KCTD8: variants seen among roughly 807,000 people sequenced by gnomAD.
KCTD8 encodes BTB/POZ domain-containing protein KCTD8.
In KCTD8, 27 loss-of-function variants were observed where a neutral mutation model predicts 31.5. That is an observed-to-expected ratio of 0.86 (90% CI 0.63 to 1.18). KCTD8 has a LOEUF of 1.18. Among genes scored for constraint, KCTD8 ranks in the 50% most tolerant of loss-of-function variants. The probability of loss-of-function intolerance (pLI) is 0.00; values close to 1 mark genes in which losing one functional copy is unlikely to be tolerated. For synonymous variants in KCTD8, 290 were observed against 280.0 expected (o/e 1.04, Z -0.36); for missense variants, 658 against 647.7 (o/e 1.02, Z -0.17).
intron 1 of KCTD8, among the ~76,000 whole-genome samples, chr4:44,422,978 C>A (rs1434721726): frequency 6.6e-6 from 1 of 151,996 alleles, no homozygotes; most frequent in Non-Finnish European, 1.5e-5. Context: ...CTTTACCAAC[C>A]ATAAATTTGT....
intron 1 of KCTD8, among the ~76,000 whole-genome samples, chr4:44,421,906 G>A (rs1178451965): frequency 6.6e-6 from 1 of 152,006 alleles, no homozygotes; most frequent in Non-Finnish European, 1.5e-5. Flanking sequence ...TTTTATCTGT[G>A]TATCTGCTTT....
rs752561338 is a variant in KCTD8 at position 44,372,071 on chromosome 4, T to C, written c.961+75492A>G. Among the ~76,000 whole-genome samples the C allele has an allele frequency of 2.0e-5, 3 of 152,228 alleles. No individual in the cohort carries two copies. In the East Asian group the frequency reaches 5.8e-4, roughly 29 times the overall value. ...GAAGCAATGCATCTGCTTTTTCTAATTGAAATAGCATTATTCCCTACTAGA... is the reference window on the plus strand; with the variant it reads ...GAAGCAATGCATCTGCTTTTTCTAACTGAAATAGCATTATTCCCTACTAGA... On this transcript the variant is annotated intron_variant, in intron 1 of 1. Transcript: ENST00000360029.
intron 1 of KCTD8, among the ~76,000 whole-genome samples, chr4:44,400,599 C>T (rs1046467466): frequency 2.6e-5 from 4 of 151,588 alleles, no homozygotes; most frequent in Non-Finnish European, 1.5e-5. Flanking sequence ...TGTGGTGGTG[C>T]ACACCTGTAG....
chr4:44,258,157 A>G (rs971353408), intron 1 of KCTD8, among the ~76,000 whole-genome samples: 3 of 152,018 alleles, frequency 2.0e-5, no homozygotes, highest in African/African-American at 7.2e-5. Context: ...TAATTGTCAC[A>G]AATGAATTAC....
At chr4:44,243,358 T>A (rs922631048) in intron 1 of KCTD8, among the ~76,000 whole-genome samples, 7 of 152,224 alleles carry the variant, frequency 4.6e-5, no homozygotes, top group African/African-American at 1.7e-4. Flanking sequence ...GTAAATATAT[T>A]TCTACTGCAG....
At chr4:44,347,307 T>C (rs936664712) in intron 1 of KCTD8, among the ~76,000 whole-genome samples, 4 of 152,180 alleles carry the variant, frequency 2.6e-5, no homozygotes, top group African/African-American at 9.7e-5. Context: ...GAACATGGGC[T>C]TTGGGCCACA....
chr4:44,445,824 A>G (rs2109487846), intron 1 of KCTD8, among the ~76,000 whole-genome samples: 1 of 152,314 alleles, frequency 6.6e-6, no homozygotes, highest in Non-Finnish European at 1.5e-5. Flanking sequence ...AAATGACTTA[A>G]ATGGTTTAAA....
chr4:44,285,764 A>C (rs1717046844), intron 1 of KCTD8, among the ~76,000 whole-genome samples: 1 of 152,114 alleles, frequency 6.6e-6, no homozygotes, highest in East Asian at 1.9e-4. Context: ...TCTGATTTTC[A>C]AGTCTTCTTA....
At chr4:44,344,549 T>G (rs1718990827) in intron 1 of KCTD8, among the ~76,000 whole-genome samples, 1 of 152,178 alleles carries the variant, frequency 6.6e-6, no homozygotes, top group African/African-American at 2.4e-5. Flanking sequence ...GTCAGTTGCA[T>G]AGACTATTGG....
chr4:44,338,381 T>C (rs748647156), intron 1 of KCTD8, among the ~76,000 whole-genome samples: 7 of 152,178 alleles, frequency 4.6e-5, no homozygotes, highest in Non-Finnish European at 8.8e-5. Flanking sequence ...GAAAGGTAAG[T>C]GAAGGTTTAA....
At chr4:44,241,340 T>C (rs899640720) in intron 1 of KCTD8, among the ~76,000 whole-genome samples, 1 of 152,208 alleles carries the variant, frequency 6.6e-6, no homozygotes, top group East Asian at 1.9e-4. Flanking sequence ...ATAGCTGACA[T>C]ATAACATCTA....
At chr4:44,203,453 G>A (rs1714208654) in intron 1 of KCTD8, among the ~76,000 whole-genome samples, 1 of 140,810 alleles carries the variant, frequency 7.1e-6, no homozygotes, top group African/African-American at 2.7e-5. Flanking sequence ...TCGTGCCATT[G>A]TACTCCAGCC....
rs371524732 is a variant in KCTD8 at position 44,219,887 on chromosome 4, C to T, written c.962-44637G>A. ...GAGAATGAAGTTAGGATAATCTAAA[C>T]ATTTTATCAAAGACAAATTATCTGT... On this transcript the variant is annotated intron_variant, in intron 1 of 1. Transcript: ENST00000360029. 9.2e-5 allele frequency among the ~76,000 whole-genome samples: 14 copies of T among 152,308 alleles called. No individual in the cohort carries two copies. The East Asian group carries it at 2.7e-3, about 29-fold the overall frequency.
At chr4:44,185,908 A>T (rs980921373) in intron 1 of KCTD8, among the ~76,000 whole-genome samples, 1 of 152,054 alleles carries the variant, frequency 6.6e-6, no homozygotes, top group African/African-American at 2.4e-5. Context: ...ACACATACAC[A>T]CTAATATAGT....
At position 44,447,790 on chromosome 4, in the gene KCTD8, T is replaced by C. The variant is rs555582844; in HGVS notation, c.734A>G (p.Lys245Arg). Residue 245 changes from lysine (K) to arginine (R), a missense_variant, in exon 1 of 2, where the codon AAG (lysine) becomes AGG (arginine). Coordinates refer to ENST00000360029, the MANE Select transcript of KCTD8 (RefSeq NM_198353.3). Reference protein sequence around the residue: ...IMVCGRIALAKEVFGDTLNES... With the variant: ...IMVCGRIALAREVFGDTLNES... Reference sequence around the variant, plus strand: ...GTTGAGCGTGTCCCCGAAGACCTCCTTGGCCAGCGCGATGCGCCCGCACAC... The same window carrying C: ...GTTGAGCGTGTCCCCGAAGACCTCCCTGGCCAGCGCGATGCGCCCGCACAC... 4.4e-6 allele frequency: 7 copies of C among 1,608,212 alleles called. No homozygotes were observed. In the Admixed American group the frequency reaches 1.0e-4, roughly 23 times the overall value.
intron 1 of KCTD8, among the ~76,000 whole-genome samples, chr4:44,269,535 C>G (rs946336693): frequency 2.0e-5 from 3 of 151,502 alleles, no homozygotes; most frequent in African/African-American, 7.3e-5. Context: ...CCAAAATTGA[C>G]AAATGGGATC....
At chr4:44,400,878 C>T (rs1356116552) in intron 1 of KCTD8, among the ~76,000 whole-genome samples, 1 of 151,696 alleles carries the variant, frequency 6.6e-6, no homozygotes, top group East Asian at 1.9e-4. Flanking sequence ...AGTCTGTCAT[C>T]CAGGCTGGAC....
intron 1 of KCTD8, among the ~76,000 whole-genome samples, chr4:44,359,921 T>C (rs542202254): frequency 3.6e-4 from 55 of 152,222 alleles, no homozygotes; most frequent in South Asian, 1.7e-3. Flanking sequence ...TTTATGTGAC[T>C]TTTTAAAAAT....
At chr4:44,446,618 GCA>G (rs1721944804) in intron 1 of KCTD8, among the ~76,000 whole-genome samples, 1 of 152,016 alleles carries the variant, frequency 6.6e-6, no homozygotes, top group Non-Finnish European at 1.5e-5. Flanking sequence ...CTCCGGAAGC[GCA>G]CTGCAAAACG....
Sources: allele counts gnomAD v4.1 joint callset (sites outside exome capture counted in the v4.1 genomes callset), GRCh38; gene constraint gnomAD v4.1.1; transcripts MANE v1.5; gene names NCBI Gene and HGNC (gene_info 2026-07-23, HGNC 2026-07-21).